GABRG1: variants seen among roughly 807,000 people sequenced by gnomAD.
GABRG1 encodes gamma-aminobutyric acid receptor subunit gamma-1.
A neutral mutation model predicts 49.8 loss-of-function variants in GABRG1; 49 were observed. The observed-to-expected ratio is 0.98, with a 90% CI of 0.78 to 1.25. The LOEUF (loss-of-function observed/expected upper bound fraction) is 1.25. Ranked by LOEUF, GABRG1 falls within the 50% of genes most tolerant of loss-of-function variation. The probability of loss-of-function intolerance (pLI) is 0.00; values close to 1 mark genes in which losing one functional copy is unlikely to be tolerated. For synonymous variants in GABRG1, 232 were observed against 185.1 expected, an observed-to-expected ratio of 1.25 and a Z score of -2.06; for missense variants, 552 against 552.3, an observed-to-expected ratio of 1.00 and a Z score of 0.01.
intron 5 of GABRG1, among the ~76,000 whole-genome samples, chr4:46,062,944 A>G (rs990491014): frequency 1.3e-5 from 2 of 151,960 alleles, no homozygotes; most frequent in Non-Finnish European, 2.9e-5. Flanking sequence ...CAAAATACTT[A>G]GGAATCCAAC....
At chr4:46,098,406 C>G (rs1720260797) in intron 1 of GABRG1, among the ~76,000 whole-genome samples, 1 of 151,686 alleles carries the variant, frequency 6.6e-6, no homozygotes, top group Non-Finnish European at 1.5e-5. Flanking sequence ...TTGGTAAAAT[C>G]AAGTAAATCT....
At chr4:46,042,875 A>T (rs1717837072) in intron 8 of GABRG1, among the ~76,000 whole-genome samples, 1 of 152,012 alleles carries the variant, frequency 6.6e-6, no homozygotes, top group African/African-American at 2.4e-5. Context: ...TAAGTTCATG[A>T]TTAAACTTGC....
Position 46,037,119 on chromosome 4 carries a change from C to T in GABRG1, c.*3869G>A, listed in dbSNP as rs889898106. 2.0e-5 allele frequency: 3 copies of T among 151,872 alleles called. No homozygotes were observed. In the Admixed American group the frequency reaches 2.0e-4, roughly 10 times the overall value. The allele number at this position is 151,872 out of a possible 1,614,324, so 9.4% of individuals were successfully genotyped here. ...ATCCTCCCTTCCTTAAATTGTATAA[C>T]TAATCCTCTCATCTTTCTGACTACA... On this transcript the variant is annotated 3_prime_UTR_variant, in exon 9 of 9. Coordinates refer to ENST00000295452, the MANE Select transcript of GABRG1 (RefSeq NM_173536.4).
At chr4:46,056,138 T>A (rs376402438) in intron 7 of GABRG1, among the ~76,000 whole-genome samples, 2,028 of 7,212 alleles carry the variant, frequency 0.28, 24 homozygotes, top group African/African-American at 0.31. Context: ...AAAAAAAAAA[T>A]AAATAAATAA....
chr4:46,074,317 C>T (rs891853404), intron 3 of GABRG1, among the ~76,000 whole-genome samples: 3 of 152,142 alleles, frequency 2.0e-5, no homozygotes, highest in African/African-American at 4.8e-5. Context: ...AAATAGTCCA[C>T]GTGACTCATG....
chr4:46,086,418 T>C (rs969098848), intron 2 of GABRG1, among the ~76,000 whole-genome samples: 6 of 151,598 alleles, frequency 4.0e-5, no homozygotes, highest in Admixed American at 1.3e-4. Flanking sequence ...AATCTTTTCT[T>C]TATAATTGAT....
At chr4:46,076,320 A>C (rs1198084906) in intron 3 of GABRG1, among the ~76,000 whole-genome samples, 1 of 144,576 alleles carries the variant, frequency 6.9e-6, no homozygotes, top group Non-Finnish European at 1.5e-5. Flanking sequence ...ATCTCCTAAC[A>C]TGACAAAATA....
At chr4:46,113,085 T>C (rs1332557265) in intron 1 of GABRG1, among the ~76,000 whole-genome samples, 3 of 151,294 alleles carry the variant, frequency 2.0e-5, no homozygotes, top group South Asian at 4.1e-4. Context: ...TATTTAATCA[T>C]TGAAGCCTGT....
At position 46,037,065 on chromosome 4, in the gene GABRG1, CAT is replaced by C. The variant is rs1717558458; in HGVS notation, c.*3921_*3922del. On this transcript the variant is annotated 3_prime_UTR_variant, in exon 9 of 9. Transcript: ENST00000295452. ...AATCCCCAGCTCGCATCTCTAAACA[CAT>C]ATCCTCCACAAAACCTTCCCAAAGT... 2 of 151,920 alleles carry C rather than the reference CAT, an allele frequency of 1.3e-5. No homozygotes were observed. Among genetic ancestry groups the C allele is most frequent in the South Asian group, 2.1e-4 (1 of 4,822 alleles). 9.4% of individuals were successfully genotyped at this position (151,920 alleles called of 1,614,324 possible). A position where few individuals can be genotyped will look rare whatever the true frequency, so the allele number is the denominator to read the frequency against.
At position 46,123,846 on chromosome 4, in the gene GABRG1, A is replaced by C; in HGVS notation, c.68T>G (p.Leu23Trp). 6.2e-7 allele frequency: 1 copy of C among 1,613,748 alleles called. No homozygotes were observed. The highest frequency in any genetic ancestry group is 8.5e-7 in the Non-Finnish European group (1 of 1,179,776). Reference sequence around the variant, plus strand: ...ATGCAGGGTCAGTAACAAGAAGACCAACCTCACCCCTCTACTTTGACTCCG... The same window carrying C: ...ATGCAGGGTCAGTAACAAGAAGACCCACCTCACCCCTCTACTTTGACTCCG... ...LLRSQSRGVRLVFLLLTLHLG... is the reference protein window; with the variant it reads ...LLRSQSRGVRWVFLLLTLHLG... Residue 23 changes from leucine (L) to tryptophan (W), a missense_variant, in exon 1 of 9, where the codon TTG (leucine) becomes TGG (tryptophan). Leu to Trp is a moderately conservative substitution (Grantham distance 61). Coordinates refer to ENST00000295452, the MANE Select transcript of GABRG1 (RefSeq NM_173536.4).
chr4:46,077,374 G>A (rs1375136103), intron 3 of GABRG1, among the ~76,000 whole-genome samples: 1 of 151,730 alleles, frequency 6.6e-6, no homozygotes, highest in East Asian at 1.9e-4. Context: ...CTATAAAACA[G>A]TGAGGTTAAT....
chr4:46,108,744 C>T lies in GABRG1; in HGVS notation c.105-11395G>A, dbSNP rs150719861. 1.4e-4 allele frequency among the ~76,000 whole-genome samples: 21 copies of T among 150,974 alleles called. No individual in the cohort carries two copies. The East Asian group carries it at 1.8e-3, about 13-fold the overall frequency. ...ATGAATGTGGATTTTATAAGGTAGG[C>T]ATTTTACCCTAATTTTATAAGTGAA... On this transcript the variant is annotated intron_variant, in intron 1 of 8. Coordinates refer to ENST00000295452, the MANE Select transcript of GABRG1 (RefSeq NM_173536.4).
intron 8 of GABRG1, among the ~76,000 whole-genome samples, chr4:46,050,595 T>A (rs1718176409): frequency 6.6e-6 from 1 of 151,820 alleles, no homozygotes; most frequent in Non-Finnish European, 1.5e-5. Context: ...TCTTGTTAAT[T>A]TTAGAAAAAT....
chr4:46,090,992 ACACG>A, intron 2 of GABRG1, among the ~76,000 whole-genome samples: 1 of 149,568 alleles, frequency 6.7e-6, no homozygotes, highest in Admixed American at 6.7e-5. Flanking sequence ...ACACACACAC[ACACG>A]GAATTTAATC....
intron 3 of GABRG1, among the ~76,000 whole-genome samples, chr4:46,079,520 T>C (rs1353978995): frequency 6.6e-6 from 1 of 151,922 alleles, no homozygotes; most frequent in Non-Finnish European, 1.5e-5. Context: ...ATCTAAGTAG[T>C]TTTTATTAGT....
chr4:46,045,916 C>A (rs1717980528), intron 8 of GABRG1, among the ~76,000 whole-genome samples: 1 of 151,808 alleles, frequency 6.6e-6, no homozygotes, highest in Non-Finnish European at 1.5e-5. Flanking sequence ...AAGAAAGATA[C>A]AACAGAAGAG....
At chr4:46,051,727 A>G in intron 7 of GABRG1, 89 bp from the exon 8 acceptor site, 2 of 701,564 alleles carry the variant, frequency 2.9e-6, no homozygotes, top group Non-Finnish European at 2.4e-6. Flanking sequence ...GAGTGAAATT[A>G]AACAATAGAA....
intron 3 of GABRG1, among the ~76,000 whole-genome samples, chr4:46,081,587 A>C (rs1399203474): frequency 6.6e-6 from 1 of 151,830 alleles, no homozygotes; most frequent in Non-Finnish European, 1.5e-5. Context: ...AAAGTGGTAA[A>C]GCCTGTAATA....
At position 46,051,642 on chromosome 4, in the gene GABRG1, T is replaced by A; in HGVS notation, c.917-4A>T. ...ATAGTCAGAACTGTAGTGATACCTATAGAGAGAGGAAACAAAACAGGAAAT... is the reference window on the plus strand; with the variant it reads ...ATAGTCAGAACTGTAGTGATACCTAAAGAGAGAGGAAACAAAACAGGAAAT... On this transcript the variant is annotated splice_polypyrimidine_tract_variant and splice_region_variant and intron_variant, in intron 7 of 8. Coordinates refer to ENST00000295452, the MANE Select transcript of GABRG1 (RefSeq NM_173536.4). 1 of 1,545,610 alleles carries A rather than the reference T, an allele frequency of 6.5e-7. No individual in the cohort carries two copies. The highest frequency in any genetic ancestry group is 8.8e-7 in the Non-Finnish European group (1 of 1,132,162).
Sources: gnomAD v4.1 joint callset for allele counts (sites outside exome capture counted in the v4.1 genomes callset) on GRCh38, gnomAD v4.1.1 for gene constraint, MANE v1.5 for transcripts, NCBI Gene and HGNC (gene_info 2026-07-23, HGNC 2026-07-21) for gene names.